The following TPD52L1 variants were observed in gnomAD, a reference collection of about 807,000 sequenced individuals.
TPD52L1 encodes the protein tumor protein D53.
Under a neutral mutation model 28.7 loss-of-function variants are expected in TPD52L1, and 18 were observed. That is an observed-to-expected ratio of 0.63 (90% CI 0.43 to 0.93). The LOEUF is 0.93. Ranked by LOEUF, TPD52L1 falls within the 40% of genes least tolerant of loss-of-function variation. TPD52L1 has a pLI of 0.00. For missense variants in TPD52L1, 203 were observed against 254.8 expected, an observed-to-expected ratio of 0.80 and a Z score of 1.39; for synonymous variants, 75 against 88.8, an observed-to-expected ratio of 0.84 and a Z score of 0.88.
At chr6:125,182,505 G>A (rs892478319) in intron 1 of TPD52L1, among the ~76,000 whole-genome samples, 1 of 152,136 alleles carries the variant, frequency 6.6e-6, no homozygotes, top group Admixed American at 6.6e-5. Flanking sequence ...AAGGTAGAAA[G>A]GGAGGGAACC....
At chr6:125,257,820 C>T (rs1034606285) in intron 6 of TPD52L1, among the ~76,000 whole-genome samples, 7 of 152,108 alleles carry the variant, frequency 4.6e-5, no homozygotes, top group African/African-American at 1.7e-4. Flanking sequence ...TCAGTCTAGT[C>T]TTAAAATTGA....
chr6:125,237,890 C>T (rs951175880), intron 3 of TPD52L1, among the ~76,000 whole-genome samples: 1 of 152,064 alleles, frequency 6.6e-6, no homozygotes, highest in Non-Finnish European at 1.5e-5. Context: ...TAACTCCTGA[C>T]CTCAGGTGAT....
rs1300809359 is a variant in TPD52L1 at position 125,260,952 on chromosome 6, GA to G, written c.487-1879del. 6 of 41,960 alleles carry G rather than the reference GA, an allele frequency of 1.4e-4. 1 individual carries two copies. The highest frequency in any genetic ancestry group is 1.2e-3 in the Admixed American group (4 of 3,448). The allele number at this position is 41,960 out of a possible 1,614,324, so 2.6% of individuals were successfully genotyped here. Reference sequence around the variant, plus strand: ...AGAAAGAAAGAAAGAAAGAAAGAAAGAAAGAAAGAAAGAAAGAAAGAAAGAA... The same window carrying G: ...AGAAAGAAAGAAAGAAAGAAAGAAAGAAGAAAGAAAGAAAGAAAGAAAGAA... On this transcript the variant is annotated intron_variant, in intron 6 of 6. Transcript: ENST00000534000.
In TPD52L1 at chr6:125,213,604, T is replaced by G. The variant is rs189641959; in HGVS notation, c.20-6474T>G. ...CCCCTGATGCAGGAGCACCAACTTCTTGCCAAGTTGGTGAGTTTCTCCCTA... is the reference window on the plus strand; with the variant it reads ...CCCCTGATGCAGGAGCACCAACTTCGTGCCAAGTTGGTGAGTTTCTCCCTA... On this transcript the variant is annotated intron_variant, in intron 1 of 6. Transcript: ENST00000534000. Among the ~76,000 whole-genome samples, 220 of 152,238 alleles carry G rather than the reference T, an allele frequency of 1.4e-3. 4 individuals carry two copies. The highest frequency in any genetic ancestry group is 5.1e-3 in the African/African-American group (212 of 41,550).
chr6:125,225,746 A>G lies in TPD52L1; in HGVS notation c.136-3372A>G, dbSNP rs1795567477. 3.3e-5 allele frequency among the ~76,000 whole-genome samples: 5 copies of G among 152,216 alleles called. 1 individual carries two copies. The South Asian group carries it at 1.0e-3, about 32-fold the overall frequency. On this transcript the variant is annotated intron_variant, in intron 2 of 6. Coordinates refer to ENST00000534000, the MANE Select transcript of TPD52L1 (RefSeq NM_003287.4). ...TCATTCCAAATTGGATGTGGCTTAC[A>G]GAAGTACTTACAGTTTAGAGTTTCC...
intron 6 of TPD52L1, chr6:125,261,096 T>C (rs1798029247): frequency 6.6e-6 from 1 of 151,948 alleles, no homozygotes; most frequent in South Asian, 2.1e-4. Flanking sequence ...TTCACTTAGG[T>C]ATTCGCTGTG....
intron 1 of TPD52L1, among the ~76,000 whole-genome samples, chr6:125,217,966 A>G (rs1794991195): frequency 6.6e-6 from 1 of 152,170 alleles, no homozygotes; most frequent in African/African-American, 2.4e-5. Flanking sequence ...GAAATGCACC[A>G]CAGTATGCTT....
intron 2 of TPD52L1, among the ~76,000 whole-genome samples, chr6:125,226,727 G>A (rs1406121923): frequency 2.1e-5 from 3 of 143,896 alleles, no homozygotes; most frequent in African/African-American, 7.9e-5. Flanking sequence ...ATGAAAGAAA[G>A]CAGAAATGGC....
In TPD52L1 at chr6:125,153,858, C is replaced by T. The variant is rs1789930769; in HGVS notation, c.-94C>T. ...GCGTGCCAGGAGTGGGAGCGAGCGG[C>T]GGGGCCAGCTGCGTTCTGAGCCTGG... On this transcript the variant is annotated 5_prime_UTR_variant, in exon 1 of 7. Coordinates refer to ENST00000534000, the MANE Select transcript of TPD52L1 (RefSeq NM_003287.4). 16 of 1,417,430 alleles carry T rather than the reference C, an allele frequency of 1.1e-5. No homozygotes were observed. Among genetic ancestry groups the T allele is most frequent in the Non-Finnish European group, 1.5e-5 (16 of 1,059,314 alleles). The allele number at this position is 1,417,430 out of a possible 1,614,324, so 87.8% of individuals were successfully genotyped here. A position where few individuals can be genotyped will look rare whatever the true frequency, so the allele number is the denominator to read the frequency against.
intron 3 of TPD52L1, among the ~76,000 whole-genome samples, chr6:125,240,105 T>C (rs1796529126): frequency 1.3e-5 from 2 of 152,174 alleles, no homozygotes; most frequent in South Asian, 2.1e-4. Flanking sequence ...CTTTATGTTT[T>C]TGTTTGCTTT....
intron 1 of TPD52L1, among the ~76,000 whole-genome samples, chr6:125,179,974 A>T (rs530126837): frequency 1.3e-5 from 2 of 152,292 alleles, no homozygotes; most frequent in African/African-American, 2.4e-5. Flanking sequence ...GGTGTTTGAA[A>T]GCCACTTCAA....
intron 3 of TPD52L1, among the ~76,000 whole-genome samples, chr6:125,242,294 T>C (rs1796659929): frequency 6.6e-6 from 1 of 152,144 alleles, no homozygotes; most frequent in African/African-American, 2.4e-5. Flanking sequence ...TCTGTAAATA[T>C]ATGTTAAGTC....
intron 1 of TPD52L1, among the ~76,000 whole-genome samples, chr6:125,171,309 A>G (rs10485338): frequency 0.061 from 9,353 of 152,248 alleles, 457 homozygotes; most frequent in African/African-American, 0.14. Flanking sequence ...GCGCCTATCA[A>G]TGCTTGTGGC....
intron 1 of TPD52L1, among the ~76,000 whole-genome samples, chr6:125,173,094 C>T (rs59916489): frequency 0.014 from 2,110 of 152,142 alleles, 47 homozygotes; most frequent in African/African-American, 0.048. Context: ...TGAATGTAAC[C>T]CTTAATTTCT....
At chr6:125,236,213 A>G (rs1796253576) in intron 3 of TPD52L1, among the ~76,000 whole-genome samples, 1 of 152,162 alleles carries the variant, frequency 6.6e-6, no homozygotes, top group African/African-American at 2.4e-5. Flanking sequence ...GGAAATAAGG[A>G]GTCCTAAAAT....
Position 125,256,962 on chromosome 6 carries a change from G to T in TPD52L1, c.426-136G>T, listed in dbSNP as rs115937302. 2.5e-3 allele frequency: 1,581 copies of T among 629,166 alleles called. 25 individuals are homozygous for T. Among genetic ancestry groups the T allele is most frequent in the African/African-American group, 0.025 (1,363 of 54,544 alleles). The allele number at this position is 629,166 out of a possible 1,614,324, so 39.0% of individuals were successfully genotyped here. ...AGAAGTGACATACATTTTAAAACGT[G>T]GTTGGTGCAGGTGGCAAGCTGACAG... On this transcript the variant is annotated intron_variant, in intron 5 of 6. Transcript: ENST00000534000.
At chr6:125,175,275 T>C (rs1791751895) in intron 1 of TPD52L1, among the ~76,000 whole-genome samples, 1 of 152,150 alleles carries the variant, frequency 6.6e-6, no homozygotes, top group African/African-American at 2.4e-5. Flanking sequence ...ATGAATAGTA[T>C]TGAGTGCATA....
intron 3 of TPD52L1, among the ~76,000 whole-genome samples, chr6:125,230,805 G>C (rs1795903274): frequency 6.6e-6 from 1 of 152,190 alleles, no homozygotes; most frequent in African/African-American, 2.4e-5. Context: ...GATAGGTTCA[G>C]GGCACAGCCC....
intron 1 of TPD52L1, among the ~76,000 whole-genome samples, chr6:125,204,992 T>C (rs765920834): frequency 3.9e-4 from 60 of 152,046 alleles, no homozygotes; most frequent in Non-Finnish European, 6.3e-4. Context: ...GTCACCTAAC[T>C]CTTTATTCTC....
Sources: allele counts gnomAD v4.1 joint callset (sites outside exome capture counted in the v4.1 genomes callset), GRCh38; gene constraint gnomAD v4.1.1; transcripts MANE v1.5; gene names NCBI Gene and HGNC (gene_info 2026-07-23, HGNC 2026-07-21).